Variants in ST18 observed in about 807,000 individuals in gnomAD.
The protein encoded by ST18 is ST18 C2H2C-type zinc finger transcription factor.
A neutral mutation model predicts 110.0 loss-of-function variants in ST18; 50 were observed. That is an observed-to-expected ratio of 0.45 (90% CI 0.36 to 0.58). The LOEUF is 0.58. Ranked by LOEUF, ST18 falls within the 20% of genes least tolerant of loss-of-function variation. The probability of loss-of-function intolerance (pLI) is 0.00; values close to 1 mark genes in which losing one functional copy is unlikely to be tolerated. For synonymous variants in ST18, 461 were observed against 452.4 expected, an observed-to-expected ratio of 1.02 and a Z score of -0.24; for missense variants, 1,306 against 1,280.1, an observed-to-expected ratio of 1.02 and a Z score of -0.31.
At chr8:52,143,488 A>AAAAAG (rs1286910235) in intron 16 of ST18, among the ~76,000 whole-genome samples, 4 of 152,110 alleles carry the variant, frequency 2.6e-5, no homozygotes, top group South Asian at 2.1e-4. Context: ...CGTCTCAAAA[A>AAAAAG]AAAAGAAAAG....
chr8:52,385,513 T>G (rs1473094527), intron 2 of ST18, among the ~76,000 whole-genome samples: 2 of 150,116 alleles, frequency 1.3e-5, no homozygotes, highest in African/African-American at 4.9e-5. Context: ...GGCAGGAGAA[T>G]CGCTTGAACC....
chr8:52,153,995 T>A (rs1309022062), intron 15 of ST18, among the ~76,000 whole-genome samples: 1 of 152,244 alleles, frequency 6.6e-6, no homozygotes, highest in Admixed American at 6.5e-5. Context: ...TTTTTCCAAC[T>A]TCTACTTTAG....
intron 2 of ST18, among the ~76,000 whole-genome samples, chr8:52,310,823 T>C (rs2095893397): frequency 1.4e-5 from 2 of 146,644 alleles, no homozygotes; most frequent in Non-Finnish European, 3.0e-5. Context: ...TTGGGAGCCA[T>C]GAGCAGGTGA....
At chr8:52,277,320 C>G (rs1364431615) in intron 2 of ST18, among the ~76,000 whole-genome samples, 1 of 152,232 alleles carries the variant, frequency 6.6e-6, no homozygotes, top group Non-Finnish European at 1.5e-5. Context: ...TCTTGGGTGA[C>G]ATCATAAACC....
chr8:52,175,242 G>A (rs955211065), intron 9 of ST18, among the ~76,000 whole-genome samples: 1 of 152,162 alleles, frequency 6.6e-6, no homozygotes, highest in Admixed American at 6.5e-5. Flanking sequence ...CCCTGCCCCA[G>A]CTACTATTTT....
chr8:52,349,553 C>T (rs1371008583), intron 2 of ST18, among the ~76,000 whole-genome samples: 3 of 152,204 alleles, frequency 2.0e-5, no homozygotes, highest in Non-Finnish European at 2.9e-5. Flanking sequence ...ACAAAATGAT[C>T]ATCTTTTCCT....
chr8:52,114,062 C>A (rs993296695), intron 25 of ST18, among the ~76,000 whole-genome samples: 33 of 139,668 alleles, frequency 2.4e-4, no homozygotes, highest in Non-Finnish European at 4.8e-4. Context: ...CTCTGCCTCC[C>A]AGGTTCAAGC....
chr8:52,282,271 A>G (rs1356811444), intron 2 of ST18, among the ~76,000 whole-genome samples: 3 of 152,208 alleles, frequency 2.0e-5, no homozygotes, highest in African/African-American at 7.2e-5. Flanking sequence ...GTGAACATAG[A>G]CAAAAATCCT....
chr8:52,145,152 A>G (rs1225009260), intron 16 of ST18, among the ~76,000 whole-genome samples: 2 of 151,968 alleles, frequency 1.3e-5, no homozygotes, highest in African/African-American at 4.8e-5. Flanking sequence ...GAAGACATGT[A>G]TATTTACAGA....
Position 52,130,382 on chromosome 8 carries a change from C to G in ST18, c.2666+1576G>C, listed in dbSNP as rs536810707. Among the ~76,000 whole-genome samples the G allele has an allele frequency of 5.7e-4, 87 of 152,260 alleles. 1 individual carries two copies. Among genetic ancestry groups the G allele is most frequent in the African/African-American group, 1.5e-3 (63 of 41,560 alleles). ...CACAGCTCACTGCAGCCTCAAACTCCCAGGCTTAAGCAATCGTCCTGCCTC... is the reference window on the plus strand; with the variant it reads ...CACAGCTCACTGCAGCCTCAAACTCGCAGGCTTAAGCAATCGTCCTGCCTC... On this transcript the variant is annotated intron_variant, in intron 22 of 25. Coordinates refer to ENST00000689386, the MANE Select transcript of ST18 (RefSeq NM_001352837.2).
intron 2 of ST18, among the ~76,000 whole-genome samples, chr8:52,376,990 G>GTC (rs548400224): frequency 1.4e-3 from 207 of 152,130 alleles, no homozygotes; most frequent in African/African-American, 4.6e-3. Context: ...TTAACTAATG[G>GTC]TCTCTCTAGG....
At chr8:52,396,918 T>C (rs1485841295) in intron 2 of ST18, among the ~76,000 whole-genome samples, 4 of 152,258 alleles carry the variant, frequency 2.6e-5, no homozygotes, top group African/African-American at 9.6e-5. Context: ...ATCTTGGCTA[T>C]TGTGAATAAT....
At chr8:52,390,680 C>T (rs1042156199) in intron 2 of ST18, among the ~76,000 whole-genome samples, 3 of 152,142 alleles carry the variant, frequency 2.0e-5, no homozygotes, top group South Asian at 4.1e-4. Flanking sequence ...GGCTAGACTC[C>T]GAGGACAGCA....
chr8:52,384,372 C>T (rs1425925737), intron 2 of ST18, among the ~76,000 whole-genome samples: 1 of 152,054 alleles, frequency 6.6e-6, no homozygotes, highest in African/African-American at 2.4e-5. Context: ...CGCCACAATC[C>T]AGCTCCAAAC....
At position 52,136,462 on chromosome 8, in the gene ST18, C is replaced by G. The variant is rs1415261216; in HGVS notation, c.2300+128G>C. On this transcript the variant is annotated intron_variant, in intron 19 of 25. Coordinates refer to ENST00000689386, the MANE Select transcript of ST18 (RefSeq NM_001352837.2). ...ATCCCAGCGCTTTAGTCAGAAAGTG[C>G]CTTTGCTGTGATCCTGGCAGGCAGG... 5.7e-6 allele frequency: 5 copies of G among 870,706 alleles called. No homozygotes were observed. In the Admixed American group the frequency reaches 1.1e-4, roughly 19 times the overall value. 53.9% of individuals were successfully genotyped at this position (870,706 alleles called of 1,614,324 possible).
chr8:52,360,385 G>A (rs1825190368), intron 2 of ST18, among the ~76,000 whole-genome samples: 1 of 151,922 alleles, frequency 6.6e-6, no homozygotes, highest in African/African-American at 2.4e-5. Flanking sequence ...TAAATATACT[G>A]TGAGGTACGC....
chr8:52,114,635 C>T (rs1473618662), intron 25 of ST18, among the ~76,000 whole-genome samples: 1 of 152,128 alleles, frequency 6.6e-6, no homozygotes, highest in Non-Finnish European at 1.5e-5. Context: ...TCTTTCCTGC[C>T]TTTGTTGTGC....
chr8:52,402,662 C>T (rs1018310269), intron 2 of ST18, among the ~76,000 whole-genome samples: 3 of 152,146 alleles, frequency 2.0e-5, no homozygotes, highest in Admixed American at 2.0e-4. Flanking sequence ...CAGTGGGATA[C>T]AGCAGTAGGT....
At chr8:52,170,685 G>T (rs1181148272) in intron 10 of ST18, among the ~76,000 whole-genome samples, 1 of 151,978 alleles carries the variant, frequency 6.6e-6, no homozygotes, top group Non-Finnish European at 1.5e-5. Context: ...TGAACCACAG[G>T]CTAGTCATTA....
Sources: allele counts gnomAD v4.1 joint callset (sites outside exome capture counted in the v4.1 genomes callset), GRCh38; gene constraint gnomAD v4.1.1; transcripts MANE v1.5; gene names NCBI Gene and HGNC (gene_info 2026-07-23, HGNC 2026-07-21).